Variants in ITGA5 observed in about 807,000 individuals in gnomAD.
ITGA5 encodes the protein integrin alpha-5.
ITGA5 carries 55 observed loss-of-function variants against 146.3 expected under a neutral mutation model. That is an observed-to-expected ratio of 0.38 (90% CI 0.30 to 0.47). The LOEUF (loss-of-function observed/expected upper bound fraction) is 0.47, where lower values mean the gene tolerates loss of function less well. Among genes scored for constraint, ITGA5 ranks in the 20% least tolerant of loss-of-function variants. The pLI is 0.99. For synonymous variants in ITGA5, 500 were observed against 531.8 expected (o/e 0.94, Z 0.82); for missense variants, 1,131 against 1,329.0 (o/e 0.85, Z 2.32).
Position 54,403,447 on chromosome 12 carries a change from C to T in ITGA5, c.1777-123G>A. 7.5e-7 allele frequency: 1 copy of T among 1,333,856 alleles called. No homozygotes were observed. The highest frequency in any genetic ancestry group is 2.4e-5 in the East Asian group (1 of 42,262). The allele number at this position is 1,333,856 out of a possible 1,614,324, so 82.6% of individuals were successfully genotyped here. On this transcript the variant is annotated intron_variant, in intron 17 of 29. Coordinates refer to ENST00000293379, the MANE Select transcript of ITGA5 (RefSeq NM_002205.5). The surrounding 1 kb of genome is among the most constrained non-coding windows in gnomAD (Gnocchi z 4.9). Reference sequence around the variant, plus strand: ...CCAATTCCGACCATCCTCATTGTTTCAGAGGCCCTGGCAGCCTGCTTCCCA... The same window carrying T: ...CCAATTCCGACCATCCTCATTGTTTTAGAGGCCCTGGCAGCCTGCTTCCCA...
At chr12:54,407,119 G>A (rs1389917018) in intron 9 of ITGA5, among the ~76,000 whole-genome samples, 9 of 152,214 alleles carry the variant, frequency 5.9e-5, no homozygotes, top group Admixed American at 3.3e-4. Flanking sequence ...ACTGAGTAGA[G>A]AATGAATAGT....
At chr12:54,418,414 C>A (rs1031495899) in intron 1 of ITGA5, among the ~76,000 whole-genome samples, 4 of 152,048 alleles carry the variant, frequency 2.6e-5, no homozygotes, top group Admixed American at 2.6e-4. Flanking sequence ...TCGGGTCTTT[C>A]CCCGGTCTGA....
chr12:54,404,747 G>A lies in ITGA5; in HGVS notation c.1373C>T (p.Ser458Phe). The A allele has an allele frequency of 1.2e-6, 2 of 1,614,158 alleles. No homozygotes were observed. The highest frequency in any genetic ancestry group is 2.2e-5 in the East Asian group (1 of 44,884). The change falls in exon 13 of 30, where the codon TCT becomes TTT. Residue 458 changes from serine (S) to phenylalanine (F), a missense_variant. Ser to Phe is a radical substitution (Grantham distance 155, BLOSUM62 -2). Coordinates refer to ENST00000293379, the MANE Select transcript of ITGA5 (RefSeq NM_002205.5). ...CAGGTCTCGGCCTCCTCGAAGGGCA[G>A]AGCCAAAGAAGTCTGGGGTGTGGCT... ...AASHTPDFFG[S>F]ALRGGRDLDG...
chr12:54,401,614 C>T lies in ITGA5; in HGVS notation c.2358G>A (p.Val786=), dbSNP rs1464240346. Residue 786 remains valine (V), a synonymous_variant, in exon 23 of 30, where the codon GTG becomes GTA. Coordinates refer to ENST00000293379, the MANE Select transcript of ITGA5 (RefSeq NM_002205.5). The surrounding 1 kb of genome is among the most constrained non-coding windows in gnomAD (Gnocchi z 5.0). ...QSDVVSFRLS[V]EAQAQVTLNG... ...TCAGGGTGACCTGGGCCTGAGCCTCCACGGAGAGCCGAAAGGAAACCACGT... is the reference window on the plus strand; with the variant it reads ...TCAGGGTGACCTGGGCCTGAGCCTCTACGGAGAGCCGAAAGGAAACCACGT... 1 of 1,614,204 alleles carries T rather than the reference C, an allele frequency of 6.2e-7. No homozygotes were observed. Among genetic ancestry groups the T allele is most frequent in the Admixed American group, 1.7e-5 (1 of 60,032 alleles).
intron 25 of ITGA5, chr12:54,400,628 A>T (rs1592284680): frequency 1.9e-6 from 1 of 517,872 alleles, no homozygotes; most frequent in Non-Finnish European, 3.4e-6. Flanking sequence ...GTATGCCGGG[A>T]AACAAAGAAG....
intron 26 of ITGA5, 42 bp downstream of exon 26, chr12:54,399,822 A>T: frequency 6.3e-7 from 1 of 1,598,752 alleles, no homozygotes; most frequent in Non-Finnish European, 8.6e-7. Flanking sequence ...ACCCCAGAGT[A>T]CTCAACACTT....
intron 9 of ITGA5, chr12:54,407,268 C>A: frequency 4.4e-6 from 1 of 226,872 alleles, no homozygotes; most frequent in Non-Finnish European, 8.9e-6. Context: ...GAATGAAATC[C>A]GATGGCACTC....
At position 54,416,358 on chromosome 12, in the gene ITGA5, C is replaced by T. The variant is rs1210255621; in HGVS notation, c.218+2623G>A. Among the ~76,000 whole-genome samples, 1 of 152,252 alleles carries T rather than the reference C, an allele frequency of 6.6e-6. No individual in the cohort carries two copies. The highest frequency in any genetic ancestry group is 2.4e-5 in the African/African-American group (1 of 41,460). ...GTGCTGGCATTACAGGCGTGAGCCACTGCACCTGGCCAGCCTCAGTTTTTG... is the reference window on the plus strand; with the variant it reads ...GTGCTGGCATTACAGGCGTGAGCCATTGCACCTGGCCAGCCTCAGTTTTTG... On this transcript the variant is annotated intron_variant, in intron 1 of 29. Transcript: ENST00000293379. The surrounding 1 kb of genome is among the most constrained non-coding windows in gnomAD (Gnocchi z 4.1).
chr12:54,409,615 G>T lies in ITGA5; in HGVS notation c.350-18C>A. ...CCGAGAGCCTTGTGGAAGTGAGAAG[G>T]GGGAGTCTTACTGAGCCATGGACAT... On this transcript the variant is annotated intron_variant, in intron 2 of 29. Coordinates refer to ENST00000293379, the MANE Select transcript of ITGA5 (RefSeq NM_002205.5). This position sits in a 1 kb window ranked among gnomAD's most constrained non-coding sequence, Gnocchi z 4.7. 6.4e-7 allele frequency: 1 copy of T among 1,558,488 alleles called. No individual in the cohort carries two copies. The highest frequency in any genetic ancestry group is 8.8e-7 in the Non-Finnish European group (1 of 1,134,484).
chr12:54,403,890 G>T lies in ITGA5; in HGVS notation c.1621+21C>A. 1 of 1,613,356 alleles carries T rather than the reference G, an allele frequency of 6.2e-7. No homozygotes were observed. The highest frequency in any genetic ancestry group is 2.2e-5 in the East Asian group (1 of 44,880). On this transcript the variant is annotated intron_variant, in intron 16 of 29. Coordinates refer to ENST00000293379, the MANE Select transcript of ITGA5 (RefSeq NM_002205.5). This position sits in a 1 kb window ranked among gnomAD's most constrained non-coding sequence, Gnocchi z 4.9. The stretch of plus-strand genomic sequence containing the variant: ...TCATTCTCTGTCCTAGGGCCTGAGA[G>T]ATCCAGGCAGTCTCCCTCACCAATG...
rs1251348038 is a variant in ITGA5 at position 54,407,866 on chromosome 12, C to T, written c.828G>A (p.Val276=). The T allele has an allele frequency of 6.3e-7, 1 of 1,586,974 alleles. No individual in the cohort carries two copies. The highest frequency in any genetic ancestry group is 8.6e-7 in the Non-Finnish European group (1 of 1,164,930). The change falls in exon 8 of 30, where the codon GTG becomes GTA. Residue 276 remains valine (V), a synonymous_variant. Coordinates refer to ENST00000293379, the MANE Select transcript of ITGA5 (RefSeq NM_002205.5). ...CATCACCACTGAATTCACCAACAGCCACAGAGTATCCTGGGGGACAGGGTG... is the reference window on the plus strand; with the variant it reads ...CATCACCACTGAATTCACCAACAGCTACAGAGTATCCTGGGGGACAGGGTG... ...IYDDSYLGYS[V]AVGEFSGDDT... is the part of the protein sequence containing the mutation.
Position 54,402,250 on chromosome 12 carries a change from G to T in ITGA5, c.2063C>A (p.Ala688Asp). 6.2e-7 allele frequency: 1 copy of T among 1,614,168 alleles called. No homozygotes were observed. Among genetic ancestry groups the T allele is most frequent in the Non-Finnish European group, 8.5e-7 (1 of 1,180,022 alleles). The change falls in exon 20 of 30, where the codon GCC (alanine) becomes GAC (aspartate). Residue 688 changes from alanine (A) to aspartate (D), a missense_variant. Physicochemically the swap from Ala to Asp is moderately radical, Grantham distance 126. Around this residue, in one of 3 missense-constraint regions of ITGA5, gnomAD observed 889 missense variants for 1,021.5 expected, o/e 0.87. Transcript: ENST00000293379. ...GGTGACCCGAAGCTCAGCCTCATAG[G>T]CGCCACCCTCACCCACATTCTGGGC... ...FHAQNVGEGG[A>D]YEAELRVTAP...
intron 1 of ITGA5, chr12:54,412,186 C>T: frequency 2.2e-6 from 1 of 445,330 alleles, no homozygotes; most frequent in Non-Finnish European, 4.0e-6. Context: ...CTCCCCTCCT[C>T]CCGCCATTCT....
At chr12:54,406,050 C>T (rs982452066) in intron 9 of ITGA5, 124 bp from the exon 10 acceptor site, 4 of 819,450 alleles carry the variant, frequency 4.9e-6, no homozygotes, top group African/African-American at 3.3e-5. Context: ...CTGTCCCTAG[C>T]TCCCTCTTCA....
intron 27 of ITGA5, 133 bp downstream of exon 27, chr12:54,399,512 G>C: frequency 1.5e-6 from 1 of 678,182 alleles, no homozygotes; most frequent in Non-Finnish European, 2.7e-6. Flanking sequence ...GTCTAGACAA[G>C]GGCAAGGAAG....
Position 54,401,749 on chromosome 12 carries a change from C to T in ITGA5, c.2306+27G>A, listed in dbSNP as rs753716821. On this transcript the variant is annotated intron_variant, in intron 22 of 29. Transcript: ENST00000293379. This position sits in a 1 kb window ranked among gnomAD's most constrained non-coding sequence, Gnocchi z 5.0. ...CCCTCCCTTCCGTCCCCAGCTCAGC[C>T]CCAGCCTAGACACACTCACTCCCTA... The T allele has an allele frequency of 1.9e-6, 3 of 1,613,142 alleles. No individual in the cohort carries two copies. In the Admixed American group the frequency reaches 5.0e-5, roughly 27 times the overall value.
intron 27 of ITGA5, 135 bp from the exon 28 acceptor site, chr12:54,398,833 C>CTTTT (rs1428509727): frequency 1.5e-4 from 57 of 391,058 alleles, no homozygotes; most frequent in African/African-American, 8.7e-4. Flanking sequence ...CTCTCTCTCT[C>CTTTT]TCTTTTTTTT....
Position 54,399,728 on chromosome 12 carries a change from G to A in ITGA5, c.2758C>T (p.Arg920Cys), listed in dbSNP as rs759744172. The part of the protein sequence containing the change: ...KCPEAECFRL[R>C]CELGPLHQQE... The stretch of plus-strand genomic sequence containing the variant: ...TGGTGCAGGGGCCCGAGCTCACAGC[G>A]CAGCCTGAAACACTCAGCCTCCGGG... The change falls in exon 27 of 30, where the codon CGC becomes TGC. Residue 920 changes from arginine to cysteine, a missense_variant. By Grantham distance (180) the Arg-to-Cys change is radical. Transcript: ENST00000293379. 20 of 1,614,146 alleles carry A rather than the reference G, an allele frequency of 1.2e-5. No individual in the cohort carries two copies. The highest frequency in any genetic ancestry group is 1.6e-4 in the Middle Eastern group (1 of 6,062).
intron 25 of ITGA5, 53 bp downstream of exon 25, chr12:54,400,793 C>T (rs974647257): frequency 1.9e-6 from 3 of 1,585,790 alleles, no homozygotes; most frequent in African/African-American, 2.7e-5. Flanking sequence ...AACCCCTCAG[C>T]CTTGGTCCTC....
Sources: allele counts gnomAD v4.1 joint callset (sites outside exome capture counted in the v4.1 genomes callset), GRCh38; gene constraint gnomAD v4.1.1; regional missense constraint gnomAD v4.1.1; non-coding constraint Gnocchi (gnomAD v3.1); transcripts MANE v1.5; gene names NCBI Gene and HGNC (gene_info 2026-07-23, HGNC 2026-07-21).